OLA1: variants seen among roughly 807,000 people sequenced by gnomAD.
OLA1 encodes Obg like ATPase 1, also known as obg-like ATPase 1.
A neutral mutation model predicts 48.4 loss-of-function variants in OLA1; 14 were observed. The ratio of observed to expected loss-of-function variants is 0.29; its 90% confidence interval spans 0.19 to 0.45. The LOEUF (loss-of-function observed/expected upper bound fraction) is 0.45. Among genes scored for constraint, OLA1 ranks in the 20% least tolerant of loss-of-function variants. The pLI is 1.00. For missense variants in OLA1, 325 were observed against 467.1 expected (o/e 0.70, Z 2.80); for synonymous variants, 127 against 150.4 (o/e 0.84, Z 1.14).
chr2:174,140,158 AAAG>A (rs1383879191), intron 5 of OLA1, among the ~76,000 whole-genome samples: 1 of 152,138 alleles, frequency 6.6e-6, no homozygotes, highest in Non-Finnish European at 1.5e-5. Flanking sequence ...CAACAACATT[AAAG>A]AAGAATAGGT....
intron 7 of OLA1, among the ~76,000 whole-genome samples, chr2:174,093,527 C>G (rs1476479125): frequency 6.6e-6 from 1 of 151,206 alleles, no homozygotes; most frequent in Non-Finnish European, 1.5e-5. Flanking sequence ...CCACCACCAA[C>G]AAAAAAACAA....
chr2:174,175,515 A>C (rs913676529), intron 4 of OLA1, among the ~76,000 whole-genome samples: 6 of 152,050 alleles, frequency 3.9e-5, no homozygotes, highest in African/African-American at 1.4e-4. Context: ...TGGAAAATAG[A>C]AATGAAAGCC....
At position 174,194,772 on chromosome 2, in the gene OLA1, C is replaced by T. The variant is rs575286782; in HGVS notation, c.373+28261G>A. ...GAGCCAATTTCTTCTTTCGATTGCACCCTTTAGTGAAAATTAACTATGATC... is the reference window on the plus strand; with the variant it reads ...GAGCCAATTTCTTCTTTCGATTGCATCCTTTAGTGAAAATTAACTATGATC... On this transcript the variant is annotated intron_variant, in intron 4 of 10. Coordinates refer to ENST00000284719, the MANE Select transcript of OLA1 (RefSeq NM_013341.5). 2.1e-4 allele frequency among the ~76,000 whole-genome samples: 32 copies of T among 152,182 alleles called. No homozygotes were observed. In the East Asian group the frequency reaches 5.4e-3, roughly 26 times the overall value.
intron 4 of OLA1, among the ~76,000 whole-genome samples, chr2:174,191,014 A>G (rs1346758502): frequency 6.6e-6 from 1 of 150,776 alleles, no homozygotes; most frequent in Non-Finnish European, 1.5e-5. Context: ...AATTTCACTT[A>G]GACAAGAAGA....
At chr2:174,203,970 T>G (rs1688050249) in intron 4 of OLA1, among the ~76,000 whole-genome samples, 1 of 151,778 alleles carries the variant, frequency 6.6e-6, no homozygotes, top group Admixed American at 6.6e-5. Context: ...AATTTTTGTA[T>G]TTTTAGTAGA....
intron 7 of OLA1, among the ~76,000 whole-genome samples, chr2:174,089,726 A>G (rs1685062316): frequency 1.3e-5 from 2 of 152,008 alleles, no homozygotes; most frequent in Middle Eastern, 3.4e-3. Flanking sequence ...ACATGGTGAA[A>G]CGACGTTTCT....
intron 7 of OLA1, among the ~76,000 whole-genome samples, chr2:174,094,819 T>TC (rs543407576): frequency 7.6e-4 from 116 of 152,302 alleles, no homozygotes; most frequent in African/African-American, 2.6e-3. Context: ...ACCTTCCTGT[T>TC]CCCCTGACAA....
chr2:174,204,820 C>T (rs886308160), intron 4 of OLA1, among the ~76,000 whole-genome samples: 2 of 152,124 alleles, frequency 1.3e-5, no homozygotes, highest in Admixed American at 6.5e-5. Flanking sequence ...CGCCACTTAG[C>T]AGCTATGTGA....
chr2:174,144,993 ATATATATTCCGTGAAC>A (rs1686560268), intron 4 of OLA1, among the ~76,000 whole-genome samples: 1 of 132,712 alleles, frequency 7.5e-6, no homozygotes, highest in African/African-American at 2.7e-5. Flanking sequence ...ATCACGGAAT[ATATATATTCCGTGAAC>A]TCAGAAAGGT....
At chr2:174,203,482 T>TTTTTA (rs1688035332) in intron 4 of OLA1, among the ~76,000 whole-genome samples, 1 of 150,836 alleles carries the variant, frequency 6.6e-6, no homozygotes, top group Non-Finnish European at 1.5e-5. Flanking sequence ...TTTTTTTTTT[T>TTTTTA]AAGAGATGGG....
chr2:174,150,580 C>T (rs1042545580), intron 4 of OLA1, among the ~76,000 whole-genome samples: 16 of 152,150 alleles, frequency 1.1e-4, no homozygotes, highest in African/African-American at 3.9e-4. Flanking sequence ...CATATTCTAC[C>T]ACTATACAAT....
chr2:174,177,877 A>T (rs1222649330), intron 4 of OLA1, among the ~76,000 whole-genome samples: 1 of 152,080 alleles, frequency 6.6e-6, no homozygotes, highest in African/African-American at 2.4e-5. Context: ...TTCAGATACA[A>T]CCTAAAATGA....
intron 4 of OLA1, 76 bp downstream of exon 4, chr2:174,222,957 A>G: frequency 7.0e-7 from 1 of 1,431,524 alleles, no homozygotes; most frequent in Non-Finnish European, 9.5e-7. Flanking sequence ...AGTCATTTCT[A>G]ATTTTATTTG....
At chr2:174,234,883 G>A (rs910160466) in intron 2 of OLA1, among the ~76,000 whole-genome samples, 2 of 152,170 alleles carry the variant, frequency 1.3e-5, no homozygotes, top group African/African-American at 4.8e-5. Context: ...ACTAGGCGGG[G>A]CATGGTAGCC....
chr2:174,126,424 G>A (rs1686045119), intron 5 of OLA1, among the ~76,000 whole-genome samples: 1 of 152,072 alleles, frequency 6.6e-6, no homozygotes, highest in Admixed American at 6.6e-5. Flanking sequence ...AGATGTAGGG[G>A]TACTAAATTG....
At chr2:174,089,965 G>A (rs971412947) in intron 7 of OLA1, among the ~76,000 whole-genome samples, 7 of 151,810 alleles carry the variant, frequency 4.6e-5, no homozygotes, top group African/African-American at 1.5e-4. Flanking sequence ...CAATACCTGG[G>A]GAAACATCTG....
At chr2:174,093,056 C>T (rs927173729) in intron 7 of OLA1, among the ~76,000 whole-genome samples, 2 of 152,214 alleles carry the variant, frequency 1.3e-5, no homozygotes, top group Non-Finnish European at 2.9e-5. Context: ...GACTTGTGTT[C>T]AGACTAAGTG....
intron 7 of OLA1, among the ~76,000 whole-genome samples, chr2:174,122,110 G>A (rs1370229785): frequency 6.6e-6 from 1 of 152,164 alleles, no homozygotes; most frequent in African/African-American, 2.4e-5. Flanking sequence ...ATACTGACCA[G>A]CTGAATGAAA....
intron 4 of OLA1, among the ~76,000 whole-genome samples, chr2:174,144,947 AAAAAATATATAT>A (rs1196083384): frequency 4.3e-4 from 28 of 64,816 alleles, no homozygotes; most frequent in African/African-American, 1.4e-3. Flanking sequence ...AAAAAAAAAA[AAAAAATATATAT>A]ATATATATAT....
Sources: allele counts gnomAD v4.1 joint callset (sites outside exome capture counted in the v4.1 genomes callset), GRCh38; gene constraint gnomAD v4.1.1; transcripts MANE v1.5; gene names NCBI Gene and HGNC (gene_info 2026-07-23, HGNC 2026-07-21).